The following TMEM43 variants were observed in gnomAD, a reference collection of about 807,000 sequenced individuals.
The protein encoded by TMEM43 is arrhythmogenic right ventricular dysplasia 5.
Under a neutral mutation model 49.6 loss-of-function variants are expected in TMEM43, and 45 were observed. The ratio of observed to expected loss-of-function variants is 0.91; its 90% confidence interval spans 0.71 to 1.16. The LOEUF (loss-of-function observed/expected upper bound fraction) is 1.16, where lower values mean the gene tolerates loss of function less well. Among genes scored for constraint, TMEM43 ranks in the 50% most tolerant of loss-of-function variants. The pLI, the probability that TMEM43 is intolerant of heterozygous loss-of-function variation, is 0.00. For synonymous variants in TMEM43, 199 were observed against 207.8 expected (o/e 0.96, Z 0.36); for missense variants, 532 against 516.6 (o/e 1.03, Z -0.29).
intron 1 of TMEM43, among the ~76,000 whole-genome samples, chr3:14,126,848 G>A (rs1004911085): frequency 1.3e-5 from 2 of 152,204 alleles, no homozygotes; most frequent in African/African-American, 4.8e-5. Context: ...ATGGAGCAGG[G>A]AGGCAACAAA....
intron 1 of TMEM43, 63 bp downstream of exon 1, chr3:14,125,268 C>T (rs1695002512): frequency 1.9e-5 from 30 of 1,559,710 alleles, no homozygotes; most frequent in Non-Finnish European, 2.5e-5. Flanking sequence ...GGCTTTTCCC[C>T]GGGGTCCTCT....
chr3:14,125,682 G>C lies in TMEM43; in HGVS notation c.12+477G>C, dbSNP rs566022212. On this transcript the variant is annotated intron_variant, in intron 1 of 11. Coordinates refer to ENST00000306077, the MANE Select transcript of TMEM43 (RefSeq NM_024334.3). ...TGTCCAGGCGGGCAGAGAGCTCTCC[G>C]CCCTAGGGAGTCTCTGTAAACCGAG... Among the ~76,000 whole-genome samples the C allele has an allele frequency of 1.8e-4, 28 of 152,284 alleles. No individual in the cohort carries two copies. In the South Asian group the frequency reaches 5.2e-3, roughly 28 times the overall value.
chr3:14,134,436 G>A (rs1695140021), intron 7 of TMEM43, among the ~76,000 whole-genome samples: 1 of 152,174 alleles, frequency 6.6e-6, no homozygotes, highest in African/African-American at 2.4e-5. Context: ...CTGTGTGCCA[G>A]CTGGGCCTGC....
At chr3:14,135,074 G>A in intron 8 of TMEM43, 84 bp from the exon 9 acceptor site, 1 of 1,493,862 alleles carries the variant, frequency 6.7e-7, no homozygotes, top group Non-Finnish European at 9.2e-7. Context: ...AGAAGAGCCT[G>A]AGGGGCGTAG....
chr3:14,130,980 C>CCT, intron 3 of TMEM43, 24 bp downstream of exon 3: 1 of 1,601,972 alleles, frequency 6.2e-7, no homozygotes, highest in Admixed American at 1.7e-5. Context: ...GGGATGCTGA[C>CCT]CTGCCAGTGG....
chr3:14,125,157 A>G lies in TMEM43; in HGVS notation c.-37A>G. Reference sequence around the variant, plus strand: ...CAGTCGTCAGCCCACTTCCTAGCTGAACAGCGCGAGGCGGCGGCAGCGAGC... The same window carrying G: ...CAGTCGTCAGCCCACTTCCTAGCTGGACAGCGCGAGGCGGCGGCAGCGAGC... On this transcript the variant is annotated 5_prime_UTR_variant, in exon 1 of 12. Transcript: ENST00000306077. 3 of 1,609,008 alleles carry G rather than the reference A, an allele frequency of 1.9e-6. No homozygotes were observed. The highest frequency in any genetic ancestry group is 2.5e-6 in the Non-Finnish European group (3 of 1,178,958).
chr3:14,139,095 G>A, intron 10 of TMEM43, 85 bp from the exon 11 acceptor site: 2 of 973,218 alleles, frequency 2.1e-6, no homozygotes, highest in Non-Finnish European at 3.4e-6. Flanking sequence ...CTCCCGAGTT[G>A]GTACAGCCCC....
chr3:14,135,778 T>G, intron 9 of TMEM43, 29 bp from the exon 10 acceptor site: 3 of 1,598,088 alleles, frequency 1.9e-6, no homozygotes, highest in Non-Finnish European at 2.6e-6. Flanking sequence ...TGGTCACCCC[T>G]CAGCTCTAAC....
rs397517387 is a variant in TMEM43 at position 14,139,258 on chromosome 3, A to G, written c.961A>G (p.Met321Val). The G allele has an allele frequency of 1.9e-6, 3 of 1,614,034 alleles. No homozygotes were observed. The highest frequency in any genetic ancestry group is 3.3e-4 in the Middle Eastern group (2 of 6,084). Residue 321 changes from methionine (M) to valine (V), a missense_variant, in exon 11 of 12, where the codon ATG becomes GTG. Coordinates refer to ENST00000306077, the MANE Select transcript of TMEM43 (RefSeq NM_024334.3). Reference protein sequence around the residue: ...LRAAGWMAMFMGLNLMTRILY... With the variant: ...LRAAGWMAMFVGLNLMTRILY... ...GGCAGCTGGCTGGATGGCCATGTTC[A>G]TGGGCCTCAACCTTATGACACGGAT...
chr3:14,137,667 A>G (rs768447650), intron 10 of TMEM43, among the ~76,000 whole-genome samples: 3 of 152,206 alleles, frequency 2.0e-5, no homozygotes, highest in Non-Finnish European at 4.4e-5. Context: ...CACACTGCAG[A>G]CGGCCCTGGC....
At position 14,141,671 on chromosome 3, in the gene TMEM43, C is replaced by T. The variant is rs1181935816; in HGVS notation, c.1079C>T (p.Thr360Ile). The part of the protein sequence containing the change: ...AFAFCVATSL[T>I]LLTVAAGWLF... ...GCCTTCTGTGTGGCCACCTCGCTGACCCTGCTGACCGTGGCGGCTGGCTGG... is the reference window on the plus strand; with the variant it reads ...GCCTTCTGTGTGGCCACCTCGCTGATCCTGCTGACCGTGGCGGCTGGCTGG... Residue 360 changes from threonine to isoleucine, a missense_variant, in exon 12 of 12, where the codon ACC (threonine) becomes ATC (isoleucine). Coordinates refer to ENST00000306077, the MANE Select transcript of TMEM43 (RefSeq NM_024334.3). 6.2e-7 allele frequency: 1 copy of T among 1,614,234 alleles called. No homozygotes were observed. The highest frequency in any genetic ancestry group is 1.7e-5 in the Admixed American group (1 of 60,034).
At chr3:14,129,758 G>A (rs1695068162) in intron 2 of TMEM43, among the ~76,000 whole-genome samples, 197 bp downstream of exon 2, 1 of 152,220 alleles carries the variant, frequency 6.6e-6, no homozygotes, top group African/African-American at 2.4e-5. Context: ...GAGTAGATCA[G>A]TTCACACACC....
In TMEM43 at chr3:14,135,109, G is replaced by T. The variant is rs200618113; in HGVS notation, c.706-49G>T. On this transcript the variant is annotated intron_variant, in intron 8 of 11. Coordinates refer to ENST00000306077, the MANE Select transcript of TMEM43 (RefSeq NM_024334.3). Reference sequence around the variant, plus strand: ...GCCGAGGCATCCTGGACCTGGGCCTGGGCCAGCTACTCCGTTCCTCACTCT... The same window carrying T: ...GCCGAGGCATCCTGGACCTGGGCCTTGGCCAGCTACTCCGTTCCTCACTCT... The T allele has an allele frequency of 2.5e-6, 4 of 1,573,698 alleles. No homozygotes were observed. In the East Asian group the frequency reaches 9.0e-5, roughly 35 times the overall value.
At position 14,131,583 on chromosome 3, in the gene TMEM43, T is replaced by C; in HGVS notation, c.301T>C (p.Leu101=). Reference sequence around the variant, plus strand: ...GTTTCTTTGATTCTGTTTGAAGCTTTTGTCTGATCCAAACTATGGGGTCCA... The same window carrying C: ...GTTTCTTTGATTCTGTTTGAAGCTTCTGTCTGATCCAAACTATGGGGTCCA... ...IIGALRTSKL[L]SDPNYGVHLP... Residue 101 remains leucine, a synonymous_variant, in exon 4 of 12, where the codon TTG becomes CTG. Coordinates refer to ENST00000306077, the MANE Select transcript of TMEM43 (RefSeq NM_024334.3). 1 of 1,614,114 alleles carries C rather than the reference T, an allele frequency of 6.2e-7. No homozygotes were observed. Among genetic ancestry groups the C allele is most frequent in the Non-Finnish European group, 8.5e-7 (1 of 1,179,918 alleles).
At chr3:14,135,747 T>G in intron 9 of TMEM43, 60 bp from the exon 10 acceptor site, 1 of 1,465,902 alleles carries the variant, frequency 6.8e-7, no homozygotes, top group East Asian at 2.3e-5. Flanking sequence ...GGGCCATGGC[T>G]CTCGTGGGCG....
At chr3:14,138,295 C>T (rs768357596) in intron 10 of TMEM43, among the ~76,000 whole-genome samples, 6 of 152,276 alleles carry the variant, frequency 3.9e-5, no homozygotes, top group South Asian at 2.1e-4. Flanking sequence ...AGGGCACTGG[C>T]AGCAGGGTCG....
At position 14,138,082 on chromosome 3, in the gene TMEM43, G is replaced by A. The variant is rs1420529483; in HGVS notation, c.883-1098G>A. The A allele has an allele frequency of 2.0e-5, 3 of 152,284 alleles. No homozygotes were observed. The South Asian group carries it at 6.2e-4, about 32-fold the overall frequency. The allele number at this position is 152,284 out of a possible 1,614,324, so 9.4% of individuals were successfully genotyped here. On this transcript the variant is annotated intron_variant, in intron 10 of 11. Transcript: ENST00000306077. ...AAATGTGACCTGTTTTTGTTGTTAC[G>A]GACTCTGAGAGAGGGCCCGATTCAG... is the stretch of plus-strand genomic sequence containing the variant.
intron 1 of TMEM43, 138 bp downstream of exon 1, chr3:14,125,343 G>A: frequency 1.9e-6 from 2 of 1,080,114 alleles, no homozygotes; most frequent in East Asian, 2.6e-5. Context: ...TGCTCGCCGT[G>A]TCTGTGCCTT....
chr3:14,139,728 G>T (rs1695223540), intron 11 of TMEM43, among the ~76,000 whole-genome samples: 1 of 152,180 alleles, frequency 6.6e-6, no homozygotes, highest in Non-Finnish European at 1.5e-5. Flanking sequence ...AGAGTTTTAT[G>T]AAATGTGGCA....
Sources: gnomAD v4.1 joint callset for allele counts (sites outside exome capture counted in the v4.1 genomes callset) on GRCh38, gnomAD v4.1.1 for gene constraint, MANE v1.5 for transcripts, NCBI Gene and HGNC (gene_info 2026-07-23, HGNC 2026-07-21) for gene names.